The following PTPRR variants were observed in gnomAD, a reference collection of about 807,000 sequenced individuals.
The protein encoded by PTPRR is receptor-type tyrosine-protein phosphatase R.
PTPRR carries 38 observed loss-of-function variants against 77.2 expected under a neutral mutation model. The observed-to-expected ratio is 0.49, with a 90% CI of 0.38 to 0.65. PTPRR has a LOEUF of 0.65. Among genes scored for constraint, PTPRR ranks in the 30% least tolerant of loss-of-function variants. The probability of loss-of-function intolerance (pLI) is 0.00; values close to 1 mark genes in which losing one functional copy is unlikely to be tolerated. For synonymous variants in PTPRR, 299 were observed against 283.1 expected (o/e 1.06, Z -0.57); for missense variants, 744 against 799.2 (o/e 0.93, Z 0.83).
Position 70,892,863 on chromosome 12 carries a change from G to A in PTPRR, c.173C>T (p.Pro58Leu), listed in dbSNP as rs777264489. 8.1e-6 allele frequency: 13 copies of A among 1,613,332 alleles called. No individual in the cohort carries two copies. The South Asian group carries it at 1.2e-4, about 15-fold the overall frequency. The change falls in exon 2 of 14, where the codon CCA becomes CTA. Residue 58 changes from proline to leucine, a missense_variant. Coordinates refer to ENST00000283228, the MANE Select transcript of PTPRR (RefSeq NM_002849.4). ...GTAGCTATGTCTGTAGATTTTTTGT[G>A]GGGCTATATCCAGGCTCTTCTCAAT... ...QDIEKSLDIA[P>L]QKIYRHSYHS...
At chr12:70,705,826 T>C (rs1888599913) in intron 6 of PTPRR, among the ~76,000 whole-genome samples, 1 of 152,024 alleles carries the variant, frequency 6.6e-6, no homozygotes, top group Admixed American at 6.6e-5. Flanking sequence ...ACTTTAATGT[T>C]GATGTTGTCT....
At chr12:70,681,752 C>T (rs1408001464) in intron 10 of PTPRR, among the ~76,000 whole-genome samples, 4 of 152,062 alleles carry the variant, frequency 2.6e-5, no homozygotes, top group Admixed American at 2.0e-4. Flanking sequence ...CTTGCTTTGC[C>T]CTGGCTGGGC....
chr12:70,870,736 G>C (rs1291968040), intron 2 of PTPRR, among the ~76,000 whole-genome samples: 1 of 152,240 alleles, frequency 6.6e-6, no homozygotes, highest in Non-Finnish European at 1.5e-5. Flanking sequence ...TGTTAAAGAA[G>C]AGTTCAATTG....
At chr12:70,781,176 C>T (rs984655779) in intron 2 of PTPRR, among the ~76,000 whole-genome samples, 16 of 152,162 alleles carry the variant, frequency 1.1e-4, no homozygotes, top group Non-Finnish European at 2.1e-4. Context: ...TCTTGGTCCA[C>T]TAAAACACCA....
At position 70,761,552 on chromosome 12, in the gene PTPRR, A is replaced by C; in HGVS notation, c.546T>G (p.Ser182=). 6.2e-7 allele frequency: 1 copy of C among 1,612,630 alleles called. No homozygotes were observed. The highest frequency in any genetic ancestry group is 8.5e-7 in the Non-Finnish European group (1 of 1,179,102). ...RKTGISDALP[S]EEVLRSLNIN... ...TATTAAGTGAACGAAGAACTTCCTCAGAGGGCAGAGCATCAGAAATTCCTG... is the reference window on the plus strand; with the variant it reads ...TATTAAGTGAACGAAGAACTTCCTCCGAGGGCAGAGCATCAGAAATTCCTG... Residue 182 remains serine (S), a synonymous_variant, in exon 4 of 14, where the codon TCT becomes TCG. Transcript: ENST00000283228.
chr12:70,874,550 G>T (rs1893016613), intron 2 of PTPRR, among the ~76,000 whole-genome samples: 1 of 152,172 alleles, frequency 6.6e-6, no homozygotes, highest in African/African-American at 2.4e-5. Flanking sequence ...ATGAATGGTG[G>T]ATACTCCAGA....
At chr12:70,690,521 A>G (rs1283781131) in intron 8 of PTPRR, among the ~76,000 whole-genome samples, 1 of 152,214 alleles carries the variant, frequency 6.6e-6, no homozygotes, top group Non-Finnish European at 1.5e-5. Context: ...CTAAGCCCTC[A>G]GGCCCCATAA....
intron 2 of PTPRR, among the ~76,000 whole-genome samples, chr12:70,768,091 C>T (rs1378072583): frequency 1.3e-5 from 2 of 152,016 alleles, no homozygotes; most frequent in Admixed American, 1.3e-4. Flanking sequence ...ACCCTAACAT[C>T]ACAATTAAAA....
At chr12:70,743,726 G>A (rs1029619856) in intron 6 of PTPRR, among the ~76,000 whole-genome samples, 10 of 152,124 alleles carry the variant, frequency 6.6e-5, no homozygotes, top group Non-Finnish European at 1.2e-4. Flanking sequence ...AATCCCCCAC[G>A]TGGACCAAAG....
chr12:70,892,298 T>C (rs1893351127), intron 2 of PTPRR, among the ~76,000 whole-genome samples: 1 of 152,072 alleles, frequency 6.6e-6, no homozygotes, highest in Admixed American at 6.6e-5. Context: ...TAAGTATTAT[T>C]TATTTACACA....
intron 9 of PTPRR, 71 bp downstream of exon 9, chr12:70,684,633 G>C (rs1887792390): frequency 8.9e-7 from 1 of 1,125,742 alleles, no homozygotes. Context: ...ATCTACTCTA[G>C]GAAAAAGAAA....
intron 2 of PTPRR, among the ~76,000 whole-genome samples, chr12:70,826,634 G>C (rs150681717): frequency 7.1e-4 from 108 of 152,300 alleles, no homozygotes; most frequent in African/African-American, 2.5e-3. Context: ...GTGTAAACTT[G>C]TCAATCCATG....
chr12:70,751,053 A>G (rs959515853), intron 5 of PTPRR, among the ~76,000 whole-genome samples: 1 of 149,252 alleles, frequency 6.7e-6, no homozygotes, highest in Non-Finnish European at 1.5e-5. Flanking sequence ...TGTTACTTTT[A>G]AAAGTGACTC....
intron 2 of PTPRR, among the ~76,000 whole-genome samples, chr12:70,812,373 TG>T (rs1176210458): frequency 1.3e-5 from 2 of 152,118 alleles, no homozygotes; most frequent in Admixed American, 6.5e-5. Context: ...TTCCAGAACA[TG>T]AGAGCTTTCA....
chr12:70,728,263 AG>A (rs1889519356), intron 6 of PTPRR, among the ~76,000 whole-genome samples: 1 of 132,666 alleles, frequency 7.5e-6, no homozygotes, highest in African/African-American at 2.8e-5. Context: ...CAGCTCATTG[AG>A]GCATCAGAGA....
chr12:70,904,073 G>T (rs1156618753), intron 1 of PTPRR, among the ~76,000 whole-genome samples: 1 of 151,866 alleles, frequency 6.6e-6, no homozygotes, highest in Non-Finnish European at 1.5e-5. Flanking sequence ...ATACTGGAGA[G>T]GATCTGGAGC....
chr12:70,661,928 A>G (rs1886813346), intron 11 of PTPRR, among the ~76,000 whole-genome samples: 1 of 152,188 alleles, frequency 6.6e-6, no homozygotes, highest in Non-Finnish European at 1.5e-5. Flanking sequence ...TCCAGAAGCA[A>G]AAATAATACC....
chr12:70,905,659 G>C (rs1893610444), intron 1 of PTPRR, among the ~76,000 whole-genome samples: 1 of 151,890 alleles, frequency 6.6e-6, no homozygotes, highest in African/African-American at 2.4e-5. Context: ...TGTTTAGTTA[G>C]AGTACATTAT....
chr12:70,771,405 G>A (rs1890973963), intron 2 of PTPRR, among the ~76,000 whole-genome samples: 4 of 152,018 alleles, frequency 2.6e-5, no homozygotes, highest in Admixed American at 2.6e-4. Flanking sequence ...AGAGGAGAGA[G>A]GGAGGGAAGG....
Sources: gnomAD v4.1 joint callset for allele counts (sites outside exome capture counted in the v4.1 genomes callset) on GRCh38, gnomAD v4.1.1 for gene constraint, MANE v1.5 for transcripts, NCBI Gene and HGNC (gene_info 2026-07-23, HGNC 2026-07-21) for gene names.